The following CHD7 variants were observed in gnomAD, a reference collection of about 807,000 sequenced individuals.
CHD7 encodes the protein ATP-dependent chromatin remodeler CHD7.
In CHD7, 24 loss-of-function variants were observed where a neutral mutation model predicts 307.3. That is an observed-to-expected ratio of 0.08 (90% CI 0.06 to 0.11). CHD7 has a LOEUF of 0.11. CHD7 is among the 10% of genes least tolerant of loss of function. The probability of loss-of-function intolerance (pLI) is 1.00; values close to 1 mark genes in which losing one functional copy is unlikely to be tolerated. For synonymous variants in CHD7, 1,363 were observed against 1,349.9 expected, an observed-to-expected ratio of 1.01 and a Z score of -0.21; for missense variants, 3,106 against 3,727.1, an observed-to-expected ratio of 0.83 and a Z score of 4.34.
intron 2 of CHD7, among the ~76,000 whole-genome samples, chr8:60,772,735 G>A (rs982874445): frequency 2.0e-5 from 3 of 152,248 alleles, no homozygotes; most frequent in Non-Finnish European, 4.4e-5. Context: ...GCAAGGTGAT[G>A]AAGAAAAGAG....
Position 60,849,117 on chromosome 8 carries a change from A to G in CHD7, c.5367A>G (p.Glu1789=). ...TTCCTGCAGATTGGTGGGATAAGGA[A>G]GCAGACAAATCCCTCTTAATTGGAG... ...AEVPADWWDK[E]ADKSLLIGVF... The change falls in exon 25 of 38, where the codon GAA becomes GAG. Residue 1789 remains glutamate, a synonymous_variant. Transcript: ENST00000423902. 1 of 1,613,594 alleles carries G rather than the reference A, an allele frequency of 6.2e-7. No individual in the cohort carries two copies. The highest frequency in any genetic ancestry group is 8.5e-7 in the Non-Finnish European group (1 of 1,179,556).
At chr8:60,739,124 C>T (rs1808862631) in intron 1 of CHD7, among the ~76,000 whole-genome samples, 1 of 152,172 alleles carries the variant, frequency 6.6e-6, no homozygotes, top group South Asian at 2.1e-4. Flanking sequence ...CCATCCACTC[C>T]CTCTGGGCTC....
chr8:60,807,475 A>G (rs924127055), intron 6 of CHD7, among the ~76,000 whole-genome samples: 1 of 152,252 alleles, frequency 6.6e-6, no homozygotes, highest in African/African-American at 2.4e-5. Context: ...TTCTGCATAC[A>G]CTACAGCAGA....
chr8:60,790,494 C>T (rs1230800500), intron 3 of CHD7, among the ~76,000 whole-genome samples: 3 of 152,164 alleles, frequency 2.0e-5, no homozygotes, highest in Middle Eastern at 3.4e-3. Flanking sequence ...AACTTTAGCC[C>T]GATTTTACTG....
intron 34 of CHD7, among the ~76,000 whole-genome samples, chr8:60,858,981 G>C (rs1477842560): frequency 6.6e-6 from 1 of 152,152 alleles, no homozygotes; most frequent in Admixed American, 6.5e-5. Context: ...TTTTCCTATT[G>C]CAAGTACACA....
chr8:60,726,358 A>G (rs1274340134), intron 1 of CHD7, among the ~76,000 whole-genome samples: 2 of 152,238 alleles, frequency 1.3e-5, no homozygotes, highest in African/African-American at 4.8e-5. Flanking sequence ...GAGATAAACC[A>G]AGAATCAGAG....
chr8:60,764,959 T>C (rs1810393922), intron 2 of CHD7, among the ~76,000 whole-genome samples: 1 of 152,220 alleles, frequency 6.6e-6, no homozygotes, highest in Non-Finnish European at 1.5e-5. Context: ...TTGTTAGTTC[T>C]ACAAAAGGTT....
At chr8:60,824,409 T>G (rs1804178809) in intron 13 of CHD7, 1 of 265,238 alleles carries the variant, frequency 3.8e-6, no homozygotes, top group South Asian at 1.6e-4. Flanking sequence ...TTTTCTCATT[T>G]GGGATGTTCA....
In CHD7 at chr8:60,867,137, G is replaced by A. The variant is rs1806266844; in HGVS notation, c.*1204G>A. 1 of 152,132 alleles carries A rather than the reference G, an allele frequency of 6.6e-6. No homozygotes were observed. Among genetic ancestry groups the A allele is most frequent in the Non-Finnish European group, 1.5e-5 (1 of 68,028 alleles). 9.4% of individuals were successfully genotyped at this position (152,132 alleles called of 1,614,324 possible). On this transcript the variant is annotated 3_prime_UTR_variant, in exon 38 of 38. Transcript: ENST00000423902. ...ATCTCAACAGAAATGCATACAAAAA[G>A]CTCCTATTACTCCCTCAAAAGGGCA... is the stretch of plus-strand genomic sequence containing the variant.
intron 19 of CHD7, among the ~76,000 whole-genome samples, chr8:60,840,594 C>T (rs1473422096): frequency 6.6e-6 from 1 of 151,184 alleles, no homozygotes; most frequent in African/African-American, 2.4e-5. Flanking sequence ...CTTCAGCTTC[C>T]CAATAATTTT....
chr8:60,765,843 C>T (rs771291752), intron 2 of CHD7, among the ~76,000 whole-genome samples: 6 of 152,040 alleles, frequency 3.9e-5, no homozygotes, highest in African/African-American at 7.3e-5. Context: ...GATTTGCTGA[C>T]GAAGATGAGA....
rs1226119093 is a variant in CHD7, at chr8:60,867,296, A to G, written c.*1363A>G. On this transcript the variant is annotated 3_prime_UTR_variant, in exon 38 of 38. Transcript: ENST00000423902. ...CATTTATCCTTGGTTAATGGGTAGA[A>G]AAACACAATGCGGTAGTGTCAGCAA... 6.6e-6 allele frequency: 1 copy of G among 152,240 alleles called. No individual in the cohort carries two copies. Among genetic ancestry groups the G allele is most frequent in the African/African-American group, 2.4e-5 (1 of 41,460 alleles). The allele number at this position is 152,240 out of a possible 1,614,324, so 9.4% of individuals were successfully genotyped here. A position where few individuals can be genotyped will look rare whatever the true frequency, so the allele number is the denominator to read the frequency against.
intron 2 of CHD7, among the ~76,000 whole-genome samples, chr8:60,748,192 T>A (rs1221591072): frequency 6.6e-6 from 1 of 151,964 alleles, no homozygotes; most frequent in East Asian, 1.9e-4. Context: ...ATTCTTAAAG[T>A]GGGCGAGGTG....
At chr8:60,679,479 G>C (rs1266547363) in intron 1 of CHD7, 1 of 145,236 alleles carries the variant, frequency 6.9e-6, no homozygotes, top group Non-Finnish European at 1.5e-5. Context: ...GTGTCTGCGC[G>C]CGGGGGAGCG....
At chr8:60,695,706 G>C (rs897611282) in intron 1 of CHD7, among the ~76,000 whole-genome samples, 2 of 152,188 alleles carry the variant, frequency 1.3e-5, no homozygotes, top group African/African-American at 4.8e-5. Context: ...GTAATGTGTG[G>C]AAAGCAAACT....
chr8:60,848,635 T>A, intron 24 of CHD7, 31 bp downstream of exon 24: 1 of 1,525,046 alleles, frequency 6.6e-7, no homozygotes, highest in Non-Finnish European at 9.1e-7. Context: ...GTTCTCAACC[T>A]CAGTGAGATA....
intron 1 of CHD7, among the ~76,000 whole-genome samples, chr8:60,695,017 C>T (rs188178307): frequency 2.4e-4 from 37 of 151,872 alleles, no homozygotes; most frequent in East Asian, 9.7e-4. Flanking sequence ...TTTGGCTAGG[C>T]GGGGAAAATG....
At chr8:60,754,405 C>T (rs1809786245) in intron 2 of CHD7, among the ~76,000 whole-genome samples, 1 of 152,174 alleles carries the variant, frequency 6.6e-6, no homozygotes, top group Non-Finnish European at 1.5e-5. Context: ...GGTATATGCC[C>T]AATAAATGTT....
chr8:60,820,714 A>C (rs1803987819), intron 9 of CHD7, among the ~76,000 whole-genome samples: 1 of 152,076 alleles, frequency 6.6e-6, no homozygotes, highest in Non-Finnish European at 1.5e-5. Context: ...TCTCCATGTA[A>C]ATTGAATTTT....
Sources: gnomAD v4.1 joint callset for allele counts (sites outside exome capture counted in the v4.1 genomes callset) on GRCh38, gnomAD v4.1.1 for gene constraint, MANE v1.5 for transcripts, NCBI Gene and HGNC (gene_info 2026-07-23, HGNC 2026-07-21) for gene names.